Variants in SLC4A5 observed in about 807,000 individuals in gnomAD.
The protein encoded by SLC4A5 is electrogenic sodium bicarbonate cotransporter 4.
SLC4A5 carries 96 observed loss-of-function variants against 120.4 expected under a neutral mutation model. The ratio of observed to expected loss-of-function variants is 0.80; its 90% CI spans 0.68 to 0.94. The LOEUF (loss-of-function observed/expected upper bound fraction) is 0.94, where lower values mean the gene tolerates loss of function less well. Among genes scored for constraint, SLC4A5 ranks in the 40% least tolerant of loss-of-function variants. The pLI is 0.00. For synonymous variants in SLC4A5, 550 were observed against 571.1 expected (o/e 0.96, Z 0.53); for missense variants, 1,259 against 1,459.5 (o/e 0.86, Z 2.24).
At chr2:74,235,644 A>G (rs1225095535) in intron 21 of SLC4A5, among the ~76,000 whole-genome samples, 1 of 152,208 alleles carries the variant, frequency 6.6e-6, no homozygotes, top group East Asian at 1.9e-4. Context: ...AGTTCCTACA[A>G]GCCTGTGACA....
At chr2:74,265,147 C>T (rs1017594883) in exon 9 of SLC4A5, 24 of 1,614,210 alleles carry the variant, frequency 1.5e-5, no homozygotes, top group Admixed American at 3.3e-5. Flanking sequence ...CCAGCAGCAC[C>T]GTCCCCGTCT....
chr2:74,241,931 C>T (rs1370066015), intron 20 of SLC4A5, 63 bp downstream of exon 20: 1 of 1,528,962 alleles, frequency 6.5e-7, no homozygotes, highest in African/African-American at 1.4e-5. Flanking sequence ...TTTCCAAAAT[C>T]TTTTCTCCCT....
intron 27 of SLC4A5, among the ~76,000 whole-genome samples, chr2:74,226,020 C>T (rs1330433894): frequency 1.3e-5 from 2 of 152,172 alleles, no homozygotes; most frequent in Non-Finnish European, 2.9e-5. Flanking sequence ...AGCTCTGAGG[C>T]CCCTGAGGGC....
intron 5 of SLC4A5, among the ~76,000 whole-genome samples, chr2:74,321,828 T>A (rs1339968210): frequency 2.0e-5 from 3 of 151,888 alleles, no homozygotes; most frequent in Non-Finnish European, 2.9e-5. Flanking sequence ...CTGGGATCTA[T>A]ATAAACCATT....
chr2:74,243,961 C>T (rs1670527139), intron 19 of SLC4A5, among the ~76,000 whole-genome samples: 1 of 152,072 alleles, frequency 6.6e-6, no homozygotes, highest in African/African-American at 2.4e-5. Context: ...AAAGAGAGTG[C>T]CCCCAAACAA....
At chr2:74,311,190 T>C (rs1410202895) in intron 6 of SLC4A5, among the ~76,000 whole-genome samples, 1 of 152,122 alleles carries the variant, frequency 6.6e-6, no homozygotes, top group Non-Finnish European at 1.5e-5. Flanking sequence ...GTCTTCTCCC[T>C]TTTTTCCTTG....
At chr2:74,229,337 C>A (rs1694979823) in intron 25 of SLC4A5, among the ~76,000 whole-genome samples, 1 of 151,494 alleles carries the variant, frequency 6.6e-6, no homozygotes, top group East Asian at 1.9e-4. Flanking sequence ...GCAGCCTCCA[C>A]CTCCCGGGCT....
intron 20 of SLC4A5, among the ~76,000 whole-genome samples, 174 bp from the exon 21 acceptor site, chr2:74,239,709 G>A (rs1326615133): frequency 1.3e-5 from 2 of 152,118 alleles, no homozygotes; most frequent in African/African-American, 4.8e-5. Flanking sequence ...AAGCTCCCTA[G>A]GAAGATTAGG....
chr2:74,252,184 T>C, exon 16 of SLC4A5: 1 of 1,612,786 alleles, frequency 6.2e-7, no homozygotes, highest in Middle Eastern at 1.7e-4. Flanking sequence ...GGCACCTTCC[T>C]GTCCAGATAA....
At chr2:74,326,691 C>T (rs372468019) in intron 5 of SLC4A5, among the ~76,000 whole-genome samples, 7 of 152,180 alleles carry the variant, frequency 4.6e-5, no homozygotes, top group Middle Eastern at 6.9e-3. Flanking sequence ...TGGTGGTGCA[C>T]GCCTGTAATC....
rs77659908 is a variant in SLC4A5, at chr2:74,275,390, C to A, written c.402-10126G>T. 3.4e-3 allele frequency among the ~76,000 whole-genome samples: 525 copies of A among 152,322 alleles called. 4 individuals are homozygous for A. Among genetic ancestry groups the A allele is most frequent in the African/African-American group, 0.012 (502 of 41,570 alleles). On this transcript the variant is annotated intron_variant, in intron 8 of 30. Transcript: ENST00000394019. ...TCCTTCAAGGAGAGGCTTCTGGAAC[C>A]AAAACCTCTCTGAGGGCCACTTGTC...
chr2:74,307,936 C>T lies in SLC4A5; in HGVS notation c.80-3256G>A, dbSNP rs184410827. 8.8e-4 allele frequency: 456 copies of T among 515,906 alleles called. 4 individuals are homozygous for T. The highest frequency in any genetic ancestry group is 8.2e-3 in the African/African-American group (416 of 50,890). 32.0% of individuals were successfully genotyped at this position (515,906 alleles called of 1,614,324 possible). ...GCCACACTGCTGACCAGCCAGGCGC[C>T]GTAGCTGGGTGGCTGGACAGAGCCC... On this transcript the variant is annotated intron_variant, in intron 6 of 30. Coordinates refer to ENST00000394019, the Ensembl canonical transcript of SLC4A5.
chr2:74,283,241 C>T (rs923137860), intron 8 of SLC4A5, among the ~76,000 whole-genome samples: 7 of 152,214 alleles, frequency 4.6e-5, no homozygotes, highest in African/African-American at 1.4e-4. Flanking sequence ...CACCTACATG[C>T]TCTGACCCCT....
chr2:74,285,157 A>G (rs1268951453), intron 8 of SLC4A5, among the ~76,000 whole-genome samples: 2 of 152,146 alleles, frequency 1.3e-5, no homozygotes, highest in South Asian at 4.1e-4. Context: ...AAGCGGGAGG[A>G]TCACTTGAGC....
At chr2:74,267,301 C>A (rs900809142) in intron 8 of SLC4A5, among the ~76,000 whole-genome samples, 2 of 152,040 alleles carry the variant, frequency 1.3e-5, no homozygotes, top group Non-Finnish European at 2.9e-5. Context: ...TTCTAGGAAA[C>A]GATCACAGGA....
chr2:74,279,631 A>G (rs769130091), intron 8 of SLC4A5, among the ~76,000 whole-genome samples: 1 of 152,110 alleles, frequency 6.6e-6, no homozygotes, highest in Non-Finnish European at 1.5e-5. Flanking sequence ...AACTCCAGAC[A>G]CGGTGGCCAC....
At chr2:74,229,025 A>C (rs1449642565) in intron 25 of SLC4A5, among the ~76,000 whole-genome samples, 1 of 150,338 alleles carries the variant, frequency 6.7e-6, no homozygotes, top group Non-Finnish European at 1.5e-5. Flanking sequence ...CACTCCGGAG[A>C]GCACAGAGCA....
chr2:74,219,599 A>C (rs1694560027), intron 30 of SLC4A5, among the ~76,000 whole-genome samples: 1 of 152,180 alleles, frequency 6.6e-6, no homozygotes, highest in African/African-American at 2.4e-5. Flanking sequence ...CCAGTTACCA[A>C]AGTTTCTTCA....
At chr2:74,340,323 G>A (rs1032528172) in intron 2 of SLC4A5, among the ~76,000 whole-genome samples, 1 of 152,170 alleles carries the variant, frequency 6.6e-6, no homozygotes, top group Non-Finnish European at 1.5e-5. Context: ...ACAAAAAACA[G>A]TCCTATCCAA....
Sources: gnomAD v4.1 joint callset for allele counts (sites outside exome capture counted in the v4.1 genomes callset) on GRCh38, gnomAD v4.1.1 for gene constraint, MANE v1.5 for transcripts, NCBI Gene and HGNC (gene_info 2026-07-23, HGNC 2026-07-21) for gene names.